The following PTCHD4 variants were observed in gnomAD, a reference collection of about 807,000 sequenced individuals.
The protein encoded by PTCHD4 is patched domain containing 4.
PTCHD4 carries 33 observed loss-of-function variants against 58.1 expected under a neutral mutation model. The ratio of observed to expected loss-of-function variants is 0.57; its 90% CI spans 0.43 to 0.76. The LOEUF (loss-of-function observed/expected upper bound fraction) is 0.76, where lower values mean the gene tolerates loss of function less well. Among genes scored for constraint, PTCHD4 ranks in the 30% least tolerant of loss-of-function variants. The pLI, the probability that PTCHD4 is intolerant of heterozygous loss-of-function variation, is 0.00. For synonymous variants in PTCHD4, 478 were observed against 409.6 expected, an observed-to-expected ratio of 1.17 and a Z score of -2.02; for missense variants, 1,058 against 1,027.1, an observed-to-expected ratio of 1.03 and a Z score of -0.41.
At chr6:48,100,389 T>C (rs1185156980) in intron 1 of PTCHD4, among the ~76,000 whole-genome samples, 2 of 152,194 alleles carry the variant, frequency 1.3e-5, no homozygotes, top group Non-Finnish European at 2.9e-5. Flanking sequence ...TGCAATATAA[T>C]TCCTTCCCTT....
At chr6:48,101,618 A>G (rs1446770599) in intron 1 of PTCHD4, among the ~76,000 whole-genome samples, 10 of 152,204 alleles carry the variant, frequency 6.6e-5, no homozygotes, top group Non-Finnish European at 1.0e-4. Context: ...TAAACTGGGT[A>G]GCCTCACGAT....
intron 3 of PTCHD4, among the ~76,000 whole-genome samples, chr6:48,022,368 T>A (rs921304693): frequency 1.3e-5 from 2 of 152,016 alleles, no homozygotes; most frequent in Admixed American, 6.6e-5. Flanking sequence ...CTTAAGTCCA[T>A]TTTATCTTTG....
intron 4 of PTCHD4, among the ~76,000 whole-genome samples, chr6:47,923,581 T>C (rs1765501280): frequency 6.6e-6 from 1 of 152,196 alleles, no homozygotes; most frequent in African/African-American, 2.4e-5. Flanking sequence ...GATATAAGCT[T>C]ATAGTGTGGT....
intron 4 of PTCHD4, among the ~76,000 whole-genome samples, chr6:47,902,539 G>A (rs2114149783): frequency 6.6e-6 from 1 of 152,198 alleles, no homozygotes; most frequent in East Asian, 1.9e-4. Context: ...AAGATGAAGA[G>A]GATTTAAATT....
intron 1 of PTCHD4, among the ~76,000 whole-genome samples, chr6:48,098,339 CTTCTTT>C (rs1428501157): frequency 2.0e-5 from 3 of 147,762 alleles, no homozygotes; most frequent in Admixed American, 6.7e-5. Context: ...TCTTCTTCTT[CTTCTTT>C]TTTTTTTTTT....
intron 4 of PTCHD4, among the ~76,000 whole-genome samples, chr6:48,006,253 G>T (rs910677945): frequency 1.3e-5 from 2 of 152,152 alleles, no homozygotes; most frequent in Non-Finnish European, 2.9e-5. Context: ...GTGTTGAAGG[G>T]TCTAGACTTT....
chr6:48,088,061 T>A (rs904868199), intron 1 of PTCHD4, among the ~76,000 whole-genome samples: 6 of 152,090 alleles, frequency 3.9e-5, no homozygotes, highest in Non-Finnish European at 1.5e-5. Flanking sequence ...AAAATAAAAT[T>A]TTAAGTGGGC....
At chr6:48,038,307 G>C (rs550645197) in intron 3 of PTCHD4, among the ~76,000 whole-genome samples, 192 of 152,184 alleles carry the variant, frequency 1.3e-3, no homozygotes, top group Non-Finnish European at 2.2e-3. Flanking sequence ...GAGCCCTGGG[G>C]ATGGGCAAAT....
chr6:48,083,947 C>A (rs1765212807), intron 1 of PTCHD4, among the ~76,000 whole-genome samples: 1 of 152,044 alleles, frequency 6.6e-6, no homozygotes, highest in Non-Finnish European at 1.5e-5. Context: ...AGTTAAGCCA[C>A]ATTATACTCA....
rs1763773628 is a variant in PTCHD4, at chr6:47,873,603, A to C, written c.*4700T>G. Among the ~76,000 whole-genome samples the C allele has an allele frequency of 6.6e-6, 1 of 151,682 alleles. No individual in the cohort carries two copies. Among genetic ancestry groups the C allele is most frequent in the Non-Finnish European group, 1.5e-5 (1 of 67,762 alleles). ...GATTTTGCTGCTTTCATTTGGGTCA[A>C]TATCATTGTAGTTATTTTGTAGACA... On this transcript the variant is annotated 3_prime_UTR_variant, in exon 5 of 5. Transcript: ENST00000339488.
At chr6:47,956,468 A>G (rs186607703) in intron 4 of PTCHD4, among the ~76,000 whole-genome samples, 3 of 151,502 alleles carry the variant, frequency 2.0e-5, no homozygotes, top group African/African-American at 4.8e-5. Context: ...GAGTCTAGCT[A>G]TGTCATCCAG....
chr6:48,109,207 T>C (rs1765810418), intron 1 of PTCHD4, among the ~76,000 whole-genome samples: 1 of 152,130 alleles, frequency 6.6e-6, no homozygotes. Context: ...TAATTCTTTT[T>C]ATTTAAGCTG....
At chr6:48,002,754 T>TATAATAATAATAATAATAATA (rs139742079) in intron 4 of PTCHD4, among the ~76,000 whole-genome samples, 1 of 149,480 alleles carries the variant, frequency 6.7e-6, no homozygotes, top group African/African-American at 2.4e-5. Context: ...AAACTTAAAG[T>TATAATAATAATAATAATAATA]ATAATAATAA....
intron 1 of PTCHD4, among the ~76,000 whole-genome samples, chr6:48,072,906 A>C (rs1765000875): frequency 6.6e-6 from 1 of 152,090 alleles, no homozygotes; most frequent in African/African-American, 2.4e-5. Context: ...ATTTTTAATA[A>C]GAAAAATAAT....
At chr6:47,958,986 C>T (rs1766977431) in intron 4 of PTCHD4, among the ~76,000 whole-genome samples, 1 of 152,066 alleles carries the variant, frequency 6.6e-6, no homozygotes, top group South Asian at 2.1e-4. Context: ...TAATATAAGT[C>T]TCAATAACAA....
Position 48,068,670 on chromosome 6 carries a change from C to G in PTCHD4, c.6-29G>C, listed in dbSNP as rs779995568. On this transcript the variant is annotated intron_variant, in intron 2 of 4. Transcript: ENST00000339488. The surrounding 1 kb of genome is among the most constrained non-coding windows in gnomAD (Gnocchi z 4.2). ...AAAAAGCACATGTGACATGTGTAAG[C>G]GCCGGGCTACCCCGTTCTCCCCCAT... 10 of 1,519,388 alleles carry G rather than the reference C, an allele frequency of 6.6e-6. No individual in the cohort carries two copies. In the African/African-American group the frequency reaches 6.9e-5, roughly 10 times the overall value. 94.1% of individuals were successfully genotyped at this position (1,519,388 alleles called of 1,614,324 possible). A position where few individuals can be genotyped will look rare whatever the true frequency, so the allele number is the denominator to read the frequency against.
chr6:48,068,581 T>C lies in PTCHD4; in HGVS notation c.66A>G (p.Arg22=), dbSNP rs1433892971. The change falls in exon 3 of 5, where the codon AGA becomes AGG. Residue 22 remains arginine, a synonymous_variant. Coordinates refer to ENST00000339488, the MANE Select transcript of PTCHD4 (RefSeq NM_001384253.1). This position sits in a 1 kb window ranked among gnomAD's most constrained non-coding sequence, Gnocchi z 4.2. ...GCCTGTGGCAGAACGACTGGAGCCC[T>C]CTGCGAAGCACCTGCCGCAGCATCC... ...WWRMLRQVLR[R]GLQSFCHRLG... 2 of 1,567,772 alleles carry C rather than the reference T, an allele frequency of 1.3e-6. No individual in the cohort carries two copies. The highest frequency in any genetic ancestry group is 3.8e-5 in the Admixed American group (2 of 53,026).
intron 4 of PTCHD4, among the ~76,000 whole-genome samples, chr6:47,895,008 C>T (rs1231424702): frequency 1.3e-5 from 2 of 152,128 alleles, no homozygotes; most frequent in Non-Finnish European, 2.9e-5. Flanking sequence ...GTGGTGCATG[C>T]CTGTAATCCC....
chr6:47,883,125 A>G (rs1764071938), intron 4 of PTCHD4, among the ~76,000 whole-genome samples: 2 of 152,000 alleles, frequency 1.3e-5, no homozygotes, highest in East Asian at 3.9e-4. Flanking sequence ...ATTCAATGCA[A>G]TATATATTTA....
Sources: gnomAD v4.1 joint callset for allele counts (sites outside exome capture counted in the v4.1 genomes callset) on GRCh38, gnomAD v4.1.1 for gene constraint, Gnocchi (gnomAD v3.1) non-coding constraint, MANE v1.5 for transcripts, NCBI Gene and HGNC (gene_info 2026-07-23, HGNC 2026-07-21) for gene names.